Variants in C1QTNF12 observed in about 807,000 individuals in gnomAD.
C1QTNF12 encodes C1q and TNF related 12, also known as adipolin.
A neutral mutation model predicts 34.3 loss-of-function variants in C1QTNF12; 39 were observed. That is an observed-to-expected ratio of 1.14 (90% CI 0.88 to 1.49). C1QTNF12 has a LOEUF of 1.49. C1QTNF12 is among the 40% of genes most tolerant of loss of function. The pLI is 0.00. For missense variants in C1QTNF12, 497 were observed against 424.7 expected (o/e 1.17, Z -1.50); for synonymous variants, 220 against 196.9 (o/e 1.12, Z -0.98).
chr1:1,242,570 G>A lies in C1QTNF12; in HGVS notation c.887C>T (p.Ser296Phe). ...CCCTCACGTGCCCAGGAGCAGCCCG[G>A]AGAAGCTGGAGCCCGCCTGGATGGT... ...VLTIQAGSSF[S>F]GLLLGT Residue 296 changes from serine to phenylalanine, a missense_variant, in exon 8 of 8, where the codon TCC (serine) becomes TTC (phenylalanine). By Grantham distance (155) the Ser-to-Phe change is radical. Transcript: ENST00000330388. The A allele has an allele frequency of 6.3e-7, 1 of 1,579,746 alleles. No individual in the cohort carries two copies. Among genetic ancestry groups the A allele is most frequent in the African/African-American group, 1.3e-5 (1 of 74,456 alleles).
intron 1 of C1QTNF12, among the ~76,000 whole-genome samples, chr1:1,245,721 A>G (rs1638876526): frequency 6.6e-6 from 1 of 152,196 alleles, no homozygotes; most frequent in African/African-American, 2.4e-5. Context: ...CCATCTGGGA[A>G]ACGGGACCTC....
intron 4 of C1QTNF12, 89 bp downstream of exon 4, chr1:1,243,852 CAACCCACATGCTG>C: frequency 7.0e-7 from 1 of 1,435,906 alleles, no homozygotes. Context: ...CCCCAGCCCC[CAACCCACATGCTG>C]CCCCATGAGT....
At position 1,244,316 on chromosome 1, in the gene C1QTNF12, C is replaced by T. The variant is rs768672428; in HGVS notation, c.295-41G>A. 99 of 1,589,604 alleles carry T rather than the reference C, an allele frequency of 6.2e-5. 1 individual carries two copies. The South Asian group carries it at 9.4e-4, about 15-fold the overall frequency. ...AGCAGGTGAGGGGCCCAGTGGGACC[C>T]GGTGGGAGCTACCACCACACCCTGT... On this transcript the variant is annotated intron_variant, in intron 2 of 7. Transcript: ENST00000330388.
chr1:1,243,835 G>GCCCCCCCCCCCCCCC, intron 4 of C1QTNF12, 119 bp downstream of exon 4: 1 of 1,279,714 alleles, frequency 7.8e-7, no homozygotes, highest in Non-Finnish European at 1.1e-6. Context: ...CGCCCTCCGA[G>GCCCCCCCCCCCCCCC]CCCCGCCCCC....
At position 1,243,673 on chromosome 1, in the gene C1QTNF12, A is replaced by T. The variant is rs1283625768; in HGVS notation, c.532-121T>A. ...TCGGAGCAGCTCTCCCGGGACCCTC[A>T]CGCTCACTGTGGGCACCAGCAGGAC... is the stretch of plus-strand genomic sequence containing the variant. On this transcript the variant is annotated intron_variant, in intron 4 of 7. Coordinates refer to ENST00000330388, the MANE Select transcript of C1QTNF12 (RefSeq NM_001014980.3). 4 of 882,678 alleles carry T rather than the reference A, an allele frequency of 4.5e-6. No individual in the cohort carries two copies. In the Admixed American group the frequency reaches 9.3e-5, roughly 21 times the overall value. The allele number at this position is 882,678 out of a possible 1,614,324, so 54.7% of individuals were successfully genotyped here.
chr1:1,243,321 C>A, intron 5 of C1QTNF12, 123 bp downstream of exon 5: 1 of 1,066,976 alleles, frequency 9.4e-7, no homozygotes, highest in African/African-American at 1.6e-5. Flanking sequence ...AGTCCAAGGC[C>A]CCCCATGGGG....
At chr1:1,243,384 C>T (rs114429577) in intron 5 of C1QTNF12, 60 bp downstream of exon 5, 1 of 1,464,062 alleles carries the variant, frequency 6.8e-7, no homozygotes, top group Non-Finnish European at 9.3e-7. Flanking sequence ...ATGCCAGGCG[C>T]CCCCAGAAAG....
Position 1,242,555 on chromosome 1 carries a change from C to T in C1QTNF12, c.902G>A (p.Gly301Asp), listed in dbSNP as rs1184629925. The change falls in exon 8 of 8, where the codon GGC becomes GAC. Residue 301 changes from glycine to aspartate, a missense_variant. Coordinates refer to ENST00000330388, the MANE Select transcript of C1QTNF12 (RefSeq NM_001014980.3). ...CAGCCCCCCTGGGCGCCCTCACGTG[C>T]CCAGGAGCAGCCCGGAGAAGCTGGA... Reference protein sequence around the residue: ...AGSSFSGLLLGT With the variant: ...AGSSFSGLLLDT The T allele has an allele frequency of 6.4e-7, 1 of 1,566,664 alleles. No individual in the cohort carries two copies. Among genetic ancestry groups the T allele is most frequent in the African/African-American group, 1.4e-5 (1 of 74,054 alleles).
chr1:1,247,244 G>A (rs558195696), upstream of C1QTNF12, among the ~76,000 whole-genome samples: 1 of 152,308 alleles, frequency 6.6e-6, no homozygotes, highest in African/African-American at 2.4e-5. Flanking sequence ...CCGGAGGGCA[G>A]CTACCAGCCA....
intron 4 of C1QTNF12, 28 bp downstream of exon 4, chr1:1,243,926 C>T (rs1638808506): frequency 1.9e-6 from 3 of 1,593,480 alleles, no homozygotes; most frequent in East Asian, 2.3e-5. Context: ...CACCCAACAC[C>T]CCGCTCTAAG....
chr1:1,246,386 G>T lies in C1QTNF12; in HGVS notation c.177+128C>A. The T allele has an allele frequency of 2.7e-6, 2 of 752,922 alleles. No individual in the cohort carries two copies. Among genetic ancestry groups the T allele is most frequent in the Non-Finnish European group, 3.6e-6 (2 of 552,412 alleles). 46.6% of individuals were successfully genotyped at this position (752,922 alleles called of 1,614,324 possible). Reference sequence around the variant, plus strand: ...CAGCAGATTCTCAAGGCGGGACCGTGGCCGAGGCCTCGAAAAGGGCGACCC... The same window carrying T: ...CAGCAGATTCTCAAGGCGGGACCGTTGCCGAGGCCTCGAAAAGGGCGACCC... On this transcript the variant is annotated intron_variant, in intron 1 of 7. Coordinates refer to ENST00000330388, the MANE Select transcript of C1QTNF12 (RefSeq NM_001014980.3). The surrounding 1 kb of genome is among the most constrained non-coding windows in gnomAD (Gnocchi z 4.5).
In C1QTNF12 at chr1:1,244,437, G is replaced by T. The variant is rs376860936; in HGVS notation, c.238C>A (p.Arg80=). 8.1e-6 allele frequency: 13 copies of T among 1,611,876 alleles called. No homozygotes were observed. Among genetic ancestry groups the T allele is most frequent in the Non-Finnish European group, 1.1e-5 (13 of 1,179,528 alleles). ...CTTAAGGCGCCGTCGTCCGGCCGCC[G>T]GACAAAGTTCAGCCATGTCATGTGG... ...DAHMTWLNFV[R]RPDDGALRKR... Residue 80 remains arginine, a synonymous_variant, in exon 2 of 8, where the codon CGG becomes AGG. Transcript: ENST00000330388.
At chr1:1,243,630 C>A in intron 4 of C1QTNF12, 78 bp from the exon 5 acceptor site, 1 of 1,195,966 alleles carries the variant, frequency 8.4e-7, no homozygotes, top group Middle Eastern at 2.5e-4. Context: ...AAGGTGCCTG[C>A]AACCGACAGC....
intron 1 of C1QTNF12, among the ~76,000 whole-genome samples, chr1:1,245,970 G>A (rs553937931): frequency 1.3e-5 from 2 of 152,308 alleles, no homozygotes; most frequent in African/African-American, 4.8e-5. Flanking sequence ...TGGGCTTGGG[G>A]CCTTCTGTCT....
chr1:1,247,045 G>A (rs1394307169), upstream of C1QTNF12, among the ~76,000 whole-genome samples: 4 of 151,982 alleles, frequency 2.6e-5, no homozygotes, highest in African/African-American at 7.2e-5. Flanking sequence ...GGACGGAGAC[G>A]GGGCGGAGAC....
At position 1,244,033 on chromosome 1, in the gene C1QTNF12, C is replaced by A. The variant is rs1167181399; in HGVS notation, c.452G>T (p.Gly151Val). Residue 151 changes from glycine to valine, a missense_variant, in exon 4 of 8, where the codon GGC becomes GTC. Coordinates refer to ENST00000330388, the MANE Select transcript of C1QTNF12 (RefSeq NM_001014980.3). ...LPQGAGLRLV[G>V]EAFHCRLQGP... The stretch of plus-strand genomic sequence containing the variant: ...CTGCAGCCGGCAGTGAAAGGCCTCG[C>A]CCACCAGCCGCAGGCCCGCCCCCTG... The A allele has an allele frequency of 6.3e-7, 1 of 1,598,028 alleles. No individual in the cohort carries two copies. The highest frequency in any genetic ancestry group is 2.3e-5 in the East Asian group (1 of 44,044).
chr1:1,243,994 A>C lies in C1QTNF12; in HGVS notation c.491T>G (p.Val164Gly). 6.2e-7 allele frequency: 1 copy of C among 1,607,372 alleles called. No individual in the cohort carries two copies. The highest frequency in any genetic ancestry group is 1.1e-5 in the South Asian group (1 of 90,442). Residue 164 changes from valine (V) to glycine (G), a missense_variant, in exon 4 of 8, where the codon GTG becomes GGG. Val to Gly is a moderately radical substitution (Grantham distance 109, BLOSUM62 -3). Transcript: ENST00000330388. ...FHCRLQGPRR[V>G]DKRTLVELHG... ...CAGCTCCACCAGCGTCCGCTTGTCC[A>C]CCCGGCGGGGACCCTGCAGCCGGCA...
chr1:1,246,905 C>T (rs1358351417), upstream of C1QTNF12, among the ~76,000 whole-genome samples: 1 of 152,076 alleles, frequency 6.6e-6, no homozygotes, highest in Non-Finnish European at 1.5e-5. The surrounding 1 kb of genome is among the most constrained non-coding windows in gnomAD (Gnocchi z 4.5). Context: ...AGCCCCCGTC[C>T]TCTCTGGCCT....
intron 2 of C1QTNF12, 33 bp downstream of exon 2, chr1:1,244,347 GC>G: frequency 6.2e-7 from 1 of 1,602,718 alleles, no homozygotes; most frequent in Non-Finnish European, 8.5e-7. Context: ...CCTGTCCGGG[GC>G]TCAGACCCTG....
Sources: gnomAD v4.1 joint callset for allele counts (sites outside exome capture counted in the v4.1 genomes callset) on GRCh38, gnomAD v4.1.1 for gene constraint, Gnocchi (gnomAD v3.1) non-coding constraint, MANE v1.5 for transcripts, NCBI Gene and HGNC (gene_info 2026-07-23, HGNC 2026-07-21) for gene names.